CSMD1: variants seen among roughly 807,000 people sequenced by gnomAD.
CSMD1 encodes the protein CUB and sushi domain-containing protein 1.
In CSMD1, 213 loss-of-function variants were observed where a neutral mutation model predicts 417.5. That is an observed-to-expected ratio of 0.51 (90% CI 0.46 to 0.57). CSMD1 has a LOEUF of 0.57. CSMD1 is among the 20% of genes least tolerant of loss of function. The pLI is 0.00. For missense variants in CSMD1, 6,923 were observed against 4,529.7 expected, an observed-to-expected ratio of 1.53 and a Z score of -15.17; for synonymous variants, 2,862 against 1,736.8, an observed-to-expected ratio of 1.65 and a Z score of -16.11.
intron 3 of CSMD1, among the ~76,000 whole-genome samples, chr8:4,300,887 G>T (rs1192936612): frequency 6.6e-6 from 1 of 152,300 alleles, no homozygotes; most frequent in African/African-American, 2.4e-5. Flanking sequence ...TGGCTACATA[G>T]TATTCCATGG....
intron 30 of CSMD1, among the ~76,000 whole-genome samples, chr8:3,211,701 A>G (rs1185323956): frequency 6.6e-6 from 1 of 152,182 alleles, no homozygotes; most frequent in Non-Finnish European, 1.5e-5. Flanking sequence ...GTCACTCTGC[A>G]GGGCGCACCT....
intron 39 of CSMD1, among the ~76,000 whole-genome samples, chr8:3,152,239 G>C (rs1054500987): frequency 1.3e-5 from 2 of 152,228 alleles, no homozygotes; most frequent in South Asian, 4.1e-4. Flanking sequence ...TACTGTATCT[G>C]AGGTTTGACT....
At chr8:3,193,135 T>C (rs1007678600) in intron 33 of CSMD1, among the ~76,000 whole-genome samples, 1 of 152,048 alleles carries the variant, frequency 6.6e-6, no homozygotes, top group Admixed American at 6.6e-5. Context: ...ACAAATATAT[T>C]TGAGAGCTAT....
intron 5 of CSMD1, among the ~76,000 whole-genome samples, chr8:3,798,151 A>G (rs1037133248): frequency 6.6e-6 from 1 of 152,002 alleles, no homozygotes; most frequent in African/African-American, 2.4e-5. Flanking sequence ...TTAGTGCATC[A>G]TATGTAGTCT....
intron 8 of CSMD1, among the ~76,000 whole-genome samples, chr8:3,592,076 T>G (rs1232424638): frequency 6.6e-6 from 1 of 151,900 alleles, no homozygotes; most frequent in Non-Finnish European, 1.5e-5. Flanking sequence ...GATGGAGGAA[T>G]TGACGGATTA....
At chr8:4,219,364 T>C (rs1478942902) in intron 3 of CSMD1, among the ~76,000 whole-genome samples, 1 of 152,176 alleles carries the variant, frequency 6.6e-6, no homozygotes, top group African/African-American at 2.4e-5. Flanking sequence ...CACATCCCCC[T>C]GGCACAGAGT....
At chr8:4,181,833 C>G (rs868612558) in intron 3 of CSMD1, among the ~76,000 whole-genome samples, 1 of 152,050 alleles carries the variant, frequency 6.6e-6, no homozygotes, top group South Asian at 2.1e-4. Context: ...AATATACATT[C>G]GTACAAATAA....
intron 2 of CSMD1, among the ~76,000 whole-genome samples, chr8:4,468,242 C>G (rs913390219): frequency 8.5e-5 from 13 of 152,180 alleles, no homozygotes; most frequent in Admixed American, 3.9e-4. Context: ...GGAAGGAGAG[C>G]TGGCTGACTT....
chr8:3,149,467 A>G (rs1444740302), intron 40 of CSMD1, among the ~76,000 whole-genome samples: 1 of 151,884 alleles, frequency 6.6e-6, no homozygotes, highest in Non-Finnish European at 1.5e-5. Flanking sequence ...TTCTAGCCAG[A>G]ATTTTTGTTT....
intron 6 of CSMD1, among the ~76,000 whole-genome samples, chr8:3,748,471 A>C (rs1797164344): frequency 1.3e-5 from 2 of 152,160 alleles, no homozygotes; most frequent in African/African-American, 4.8e-5. Context: ...TGGAACCTTG[A>C]GGGGAATAGG....
chr8:4,051,746 C>T (rs1343204897), intron 3 of CSMD1, among the ~76,000 whole-genome samples: 2 of 152,168 alleles, frequency 1.3e-5, no homozygotes, highest in East Asian at 3.9e-4. Flanking sequence ...GGCAAAGAAA[C>T]ACCACTGCTG....
At chr8:4,849,967 G>C (rs1277581375) in intron 1 of CSMD1, among the ~76,000 whole-genome samples, 1 of 152,104 alleles carries the variant, frequency 6.6e-6, no homozygotes, top group East Asian at 1.9e-4. Context: ...TGCTAATGTG[G>C]CTGAACTTTT....
intron 7 of CSMD1, among the ~76,000 whole-genome samples, chr8:3,673,172 G>A (rs772142019): frequency 1.3e-5 from 2 of 152,176 alleles, no homozygotes; most frequent in African/African-American, 4.8e-5. Flanking sequence ...TCATTAATGG[G>A]ACACAGAATC....
At chr8:3,762,925 G>A (rs998638755) in intron 5 of CSMD1, among the ~76,000 whole-genome samples, 7 of 151,728 alleles carry the variant, frequency 4.6e-5, no homozygotes, top group Non-Finnish European at 7.3e-5. Context: ...ACCTGCCTAC[G>A]CCCCACAGAG....
intron 6 of CSMD1, among the ~76,000 whole-genome samples, chr8:3,734,899 G>C (rs2623700): frequency 0.94 from 143,175 of 152,222 alleles, 68,010 homozygotes; most frequent in East Asian, 1. Context: ...GCAATTTTCC[G>C]TTTCCAGTTA....
At chr8:4,416,947 C>G (rs529174857) in intron 3 of CSMD1, among the ~76,000 whole-genome samples, 1 of 151,928 alleles carries the variant, frequency 6.6e-6, no homozygotes, top group Non-Finnish European at 1.5e-5. Context: ...ATGTGTAATC[C>G]TAATAGTTTC....
At chr8:4,053,653 C>A (rs1269023148) in intron 3 of CSMD1, among the ~76,000 whole-genome samples, 1 of 152,088 alleles carries the variant, frequency 6.6e-6, no homozygotes, top group Admixed American at 6.6e-5. Flanking sequence ...GTGTCATATA[C>A]ATAGAAACAT....
At chr8:4,290,645 T>C (rs1563398279) in intron 3 of CSMD1, among the ~76,000 whole-genome samples, 1 of 152,196 alleles carries the variant, frequency 6.6e-6, no homozygotes, top group Non-Finnish European at 1.5e-5. Flanking sequence ...TTGTGAGAAG[T>C]ATATTCATAA....
intron 7 of CSMD1, among the ~76,000 whole-genome samples, chr8:3,701,019 T>G: frequency 1.3e-5 from 2 of 150,138 alleles, no homozygotes; most frequent in South Asian, 2.1e-4. Flanking sequence ...GAGAAAGGCT[T>G]GGGATATGTC....
Sources: allele counts gnomAD v4.1 joint callset (sites outside exome capture counted in the v4.1 genomes callset), GRCh38; gene constraint gnomAD v4.1.1; transcripts MANE v1.5; gene names NCBI Gene and HGNC (gene_info 2026-07-23, HGNC 2026-07-21).